The following CDH12 variants were observed in gnomAD, a reference collection of about 807,000 sequenced individuals.
CDH12 encodes the protein cadherin-12.
CDH12 carries 41 observed loss-of-function variants against 74.1 expected under a neutral mutation model. The observed-to-expected ratio is 0.55, with a 90% CI of 0.43 to 0.72. The LOEUF (loss-of-function observed/expected upper bound fraction) is 0.72, where lower values mean the gene tolerates loss of function less well. Ranked by LOEUF, CDH12 falls within the 30% of genes least tolerant of loss-of-function variation. The probability of loss-of-function intolerance (pLI) is 0.00; values close to 1 mark genes in which losing one functional copy is unlikely to be tolerated. For missense variants in CDH12, 945 were observed against 977.2 expected (o/e 0.97, Z 0.44); for synonymous variants, 399 against 355.0 (o/e 1.12, Z -1.39).
intron 5 of CDH12, among the ~76,000 whole-genome samples, chr5:22,026,880 T>C (rs983561577): frequency 4.6e-5 from 7 of 152,156 alleles, no homozygotes; most frequent in African/African-American, 1.7e-4. Context: ...CAGCAGAGCA[T>C]CACTATTTAG....
chr5:22,749,772 G>C (rs368001673), intron 1 of CDH12, among the ~76,000 whole-genome samples: 36 of 152,288 alleles, frequency 2.4e-4, no homozygotes, highest in Middle Eastern at 6.8e-3. Flanking sequence ...AAGTGGTCCT[G>C]TTCCCCTTGC....
At chr5:22,653,723 T>C (rs560939839) in intron 1 of CDH12, among the ~76,000 whole-genome samples, 1 of 152,306 alleles carries the variant, frequency 6.6e-6, no homozygotes, top group South Asian at 2.1e-4. Flanking sequence ...CTGCTTCTAA[T>C]CCTCCAATAG....
chr5:22,467,681 G>T (rs938929846), intron 2 of CDH12, among the ~76,000 whole-genome samples: 1 of 152,026 alleles, frequency 6.6e-6, no homozygotes, highest in African/African-American at 2.4e-5. Flanking sequence ...ATAAAACAAT[G>T]GATATAATTT....
chr5:21,952,380 C>A (rs1391282191), intron 6 of CDH12, among the ~76,000 whole-genome samples: 1 of 152,042 alleles, frequency 6.6e-6, no homozygotes, highest in Non-Finnish European at 1.5e-5. Context: ...TTTATGGAAA[C>A]CAGGATGTTG....
intron 4 of CDH12, among the ~76,000 whole-genome samples, chr5:22,131,315 C>CA (rs1746166017): frequency 6.6e-6 from 1 of 151,928 alleles, no homozygotes; most frequent in South Asian, 2.1e-4. Flanking sequence ...ACACAACTGT[C>CA]ACAGCTTACA....
intron 4 of CDH12, among the ~76,000 whole-genome samples, chr5:22,146,137 G>A (rs1747161677): frequency 6.6e-6 from 1 of 151,990 alleles, no homozygotes. Context: ...ATTAGTTAAT[G>A]AGGTGTGTGA....
intron 8 of CDH12, among the ~76,000 whole-genome samples, chr5:21,833,256 ATAACATATAATATAT>A (rs1749269278): frequency 2.2e-5 from 1 of 44,528 alleles, no homozygotes; most frequent in Non-Finnish European, 3.1e-5. Flanking sequence ...TATATATTAT[ATAACATATAATATAT>A]ATTATATGTT....
chr5:22,072,999 A>G (rs1203789099), intron 5 of CDH12, among the ~76,000 whole-genome samples: 2 of 152,086 alleles, frequency 1.3e-5, no homozygotes, highest in Non-Finnish European at 2.9e-5. Flanking sequence ...AAATAGCAAT[A>G]ATAAGAAGAT....
At chr5:22,271,888 C>T (rs565222468) in intron 3 of CDH12, among the ~76,000 whole-genome samples, 53 of 151,982 alleles carry the variant, frequency 3.5e-4, no homozygotes, top group African/African-American at 1.2e-3. Flanking sequence ...TTTTGTTGTT[C>T]CATTTAGGGC....
At chr5:21,781,265 G>C (rs986647991) in intron 11 of CDH12, among the ~76,000 whole-genome samples, 2 of 152,106 alleles carry the variant, frequency 1.3e-5, no homozygotes, top group Admixed American at 6.6e-5. Context: ...CTAAGCAAGG[G>C]GCCTCTAGAA....
intron 5 of CDH12, among the ~76,000 whole-genome samples, chr5:22,072,845 G>A (rs1250041920): frequency 6.6e-6 from 1 of 151,786 alleles, no homozygotes; most frequent in Non-Finnish European, 1.5e-5. Context: ...TAGCACTTAA[G>A]AGCCTGGCAG....
intron 1 of CDH12, among the ~76,000 whole-genome samples, chr5:22,606,947 A>C (rs1075314): frequency 0.49 from 73,976 of 151,966 alleles, 18,240 homozygotes; most frequent in Admixed American, 0.57. Context: ...TCTCAGATGG[A>C]GATTAGGAAT....
rs753159337 is a variant in CDH12, at chr5:22,762,741, T to A, written c.-523+90317A>T. The stretch of plus-strand genomic sequence containing the variant: ...GCGTCAGGAAATTCCTATAAATACA[T>A]TCATCTTGATAAAGAGTTAATTTTT... On this transcript the variant is annotated intron_variant, in intron 1 of 14. Transcript: ENST00000382254. Among the ~76,000 whole-genome samples the A allele has an allele frequency of 3.9e-5, 6 of 152,188 alleles. No homozygotes were observed. In the South Asian group the frequency reaches 8.3e-4, roughly 21 times the overall value.
At chr5:21,922,007 T>C (rs1476892003) in intron 6 of CDH12, among the ~76,000 whole-genome samples, 1 of 152,190 alleles carries the variant, frequency 6.6e-6, no homozygotes, top group Admixed American at 6.5e-5. Context: ...TGACTGGTTA[T>C]AGTAACTTCT....
intron 1 of CDH12, among the ~76,000 whole-genome samples, chr5:22,809,051 A>G (rs1383072486): frequency 6.6e-6 from 1 of 151,950 alleles, no homozygotes; most frequent in African/African-American, 2.4e-5. Context: ...TGCCTAAACA[A>G]TAATGTAAGA....
chr5:22,683,805 T>G (rs1479942394), intron 1 of CDH12, among the ~76,000 whole-genome samples: 1 of 152,232 alleles, frequency 6.6e-6, no homozygotes, highest in Non-Finnish European at 1.5e-5. Flanking sequence ...GTTCCAACAT[T>G]GTCCATGCTG....
chr5:21,793,329 C>A (rs1746608777), intron 10 of CDH12, among the ~76,000 whole-genome samples: 1 of 151,474 alleles, frequency 6.6e-6, no homozygotes, highest in Non-Finnish European at 1.5e-5. Context: ...GAGTTTTTTT[C>A]AAGTATGAAG....
intron 5 of CDH12, among the ~76,000 whole-genome samples, chr5:22,046,238 C>T (rs1184165107): frequency 1.3e-5 from 2 of 151,936 alleles, no homozygotes; most frequent in Non-Finnish European, 2.9e-5. Context: ...AAACATATTA[C>T]CAATTTAATT....
At chr5:22,093,661 T>C (rs1257685703) in intron 4 of CDH12, among the ~76,000 whole-genome samples, 1 of 152,296 alleles carries the variant, frequency 6.6e-6, no homozygotes, top group African/African-American at 2.4e-5. Flanking sequence ...GGTTCCTTCT[T>C]GGGCGAATAA....
Sources: gnomAD v4.1 joint callset for allele counts (sites outside exome capture counted in the v4.1 genomes callset) on GRCh38, gnomAD v4.1.1 for gene constraint, MANE v1.5 for transcripts, NCBI Gene and HGNC (gene_info 2026-07-23, HGNC 2026-07-21) for gene names.